The following DIP2C variants were observed in gnomAD, a reference collection of about 807,000 sequenced individuals.
The protein encoded by DIP2C is disco-interacting protein 2 homolog C.
DIP2C carries 33 observed loss-of-function variants against 192.4 expected under a neutral mutation model. That is an observed-to-expected ratio of 0.17 (90% CI 0.13 to 0.23). DIP2C has a LOEUF of 0.23. Among genes scored for constraint, DIP2C ranks in the 10% least tolerant of loss-of-function variants. The pLI is 1.00. For synonymous variants in DIP2C, 979 were observed against 864.1 expected (o/e 1.13, Z -2.33); for missense variants, 1,537 against 2,110.1 (o/e 0.73, Z 5.32).
At chr10:284,631 TCA>T (rs1179862693) in intron 34 of DIP2C, among the ~76,000 whole-genome samples, 1 of 152,168 alleles carries the variant, frequency 6.6e-6, no homozygotes, top group African/African-American at 2.4e-5. Flanking sequence ...GTGCAAACCC[TCA>T]GTTAGAGGGC....
intron 5 of DIP2C, among the ~76,000 whole-genome samples, chr10:421,458 G>A (rs532638517): frequency 2.6e-5 from 4 of 152,216 alleles, no homozygotes; most frequent in East Asian, 1.9e-4. Flanking sequence ...TCAGGTGCCC[G>A]ATAAAGCTGG....
intron 1 of DIP2C, among the ~76,000 whole-genome samples, chr10:517,901 T>C (rs1846459050): frequency 6.6e-6 from 1 of 152,250 alleles, no homozygotes; most frequent in African/African-American, 2.4e-5. Context: ...TAGGATCCTC[T>C]TCTGTGCAGT....
chr10:463,609 A>G (rs1969966875), intron 3 of DIP2C, among the ~76,000 whole-genome samples: 1 of 152,212 alleles, frequency 6.6e-6, no homozygotes, highest in African/African-American at 2.4e-5. Flanking sequence ...TCGAGCTACC[A>G]TTGACTTTCT....
intron 31 of DIP2C, among the ~76,000 whole-genome samples, chr10:321,262 G>T (rs1357688031): frequency 1.3e-5 from 2 of 152,238 alleles, no homozygotes; most frequent in Non-Finnish European, 2.9e-5. Context: ...CCTTGAGGAT[G>T]CAGCACTGCT....
At chr10:438,659 T>A (rs1054353054) in intron 4 of DIP2C, among the ~76,000 whole-genome samples, 2 of 151,518 alleles carry the variant, frequency 1.3e-5, no homozygotes, top group African/African-American at 4.9e-5. Context: ...CCTGGCTGAT[T>A]TCTGTATTTT....
intron 31 of DIP2C, chr10:311,560 T>C: frequency 8.1e-7 from 1 of 1,232,356 alleles, no homozygotes. Flanking sequence ...GTCCACAGCC[T>C]GTGAGGCTAC....
chr10:579,015 T>C (rs1207582461), intron 1 of DIP2C, among the ~76,000 whole-genome samples: 1 of 151,814 alleles, frequency 6.6e-6, no homozygotes, highest in Non-Finnish European at 1.5e-5. Flanking sequence ...GTGTATGTGG[T>C]AGAGCGTACA....
At chr10:523,619 G>C (rs1295322457) in intron 1 of DIP2C, among the ~76,000 whole-genome samples, 2 of 149,554 alleles carry the variant, frequency 1.3e-5, no homozygotes, top group African/African-American at 4.9e-5. Flanking sequence ...GAGGATGCAG[G>C]GACTCTGTGT....
intron 5 of DIP2C, among the ~76,000 whole-genome samples, chr10:419,419 C>A (rs1271311326): frequency 6.6e-6 from 1 of 152,212 alleles, no homozygotes; most frequent in African/African-American, 2.4e-5. Flanking sequence ...TTCGGTAAAA[C>A]CTCAGACGTA....
At chr10:452,263 C>T (rs1300934774) in intron 3 of DIP2C, among the ~76,000 whole-genome samples, 2 of 152,166 alleles carry the variant, frequency 1.3e-5, no homozygotes, top group African/African-American at 4.8e-5. Context: ...AAACAGCACC[C>T]TGAAGATTCC....
chr10:364,064 A>G (rs1270796205), intron 20 of DIP2C, among the ~76,000 whole-genome samples: 2 of 152,182 alleles, frequency 1.3e-5, no homozygotes, highest in Admixed American at 1.3e-4. Flanking sequence ...CCGCTCCACG[A>G]TGGATATCTG....
chr10:513,743 G>A (rs1051615714), intron 1 of DIP2C, among the ~76,000 whole-genome samples: 1 of 151,784 alleles, frequency 6.6e-6, no homozygotes, highest in African/African-American at 2.4e-5. Flanking sequence ...AAAAACTCAC[G>A]TTAGCTCACG....
chr10:427,086 A>C (rs1454612992), intron 4 of DIP2C, among the ~76,000 whole-genome samples: 1 of 152,236 alleles, frequency 6.6e-6, no homozygotes, highest in Non-Finnish European at 1.5e-5. Context: ...GCTTATAACA[A>C]CACACGTATC....
intron 1 of DIP2C, among the ~76,000 whole-genome samples, chr10:551,337 G>C (rs945904672): frequency 3.3e-5 from 5 of 152,178 alleles, no homozygotes; most frequent in African/African-American, 9.7e-5. Flanking sequence ...CCAAGGGGCA[G>C]GCATGCCAGG....
chr10:294,427 C>T (rs573579757), intron 32 of DIP2C, among the ~76,000 whole-genome samples: 7 of 151,974 alleles, frequency 4.6e-5, no homozygotes, highest in East Asian at 3.9e-4. Flanking sequence ...GGCAATGTGG[C>T]GAGACCCCAT....
At chr10:598,954 G>A (rs1405332794) in intron 1 of DIP2C, among the ~76,000 whole-genome samples, 1 of 152,212 alleles carries the variant, frequency 6.6e-6, no homozygotes, top group East Asian at 1.9e-4. Flanking sequence ...TTCCAACAAC[G>A]ACTTTCTGCA....
At chr10:539,900 G>A (rs761565518) in intron 1 of DIP2C, among the ~76,000 whole-genome samples, 1 of 152,170 alleles carries the variant, frequency 6.6e-6, no homozygotes, top group Non-Finnish European at 1.5e-5. Context: ...ACGCTAACCA[G>A]TATAAAACAC....
chr10:390,109 G>T lies in DIP2C; in HGVS notation c.1495-16C>A, dbSNP rs778560351. ...ACGTCTTGTACTGAAACGAGACAAA[G>T]CGTGAGGGAAGTGGGGCTGACAGGT... On this transcript the variant is annotated splice_polypyrimidine_tract_variant and intron_variant, in intron 12 of 36. Transcript: ENST00000280886. The T allele has an allele frequency of 1.2e-6, 2 of 1,611,532 alleles. No individual in the cohort carries two copies. Among genetic ancestry groups the T allele is most frequent in the South Asian group, 2.2e-5 (2 of 90,888 alleles).
intron 31 of DIP2C, among the ~76,000 whole-genome samples, chr10:320,811 G>A (rs1956971499): frequency 6.6e-6 from 1 of 152,210 alleles, no homozygotes; most frequent in Non-Finnish European, 1.5e-5. Context: ...TACTCACAGA[G>A]CAGAAGCGAC....
Sources: gnomAD v4.1 joint callset for allele counts (sites outside exome capture counted in the v4.1 genomes callset) on GRCh38, gnomAD v4.1.1 for gene constraint, MANE v1.5 for transcripts, NCBI Gene and HGNC (gene_info 2026-07-23, HGNC 2026-07-21) for gene names.